DLG2: variants seen among roughly 807,000 people sequenced by gnomAD.
DLG2 encodes the protein discs large MAGUK scaffold protein 2, also known as disks large homolog 2.
In DLG2, 45 loss-of-function variants were observed where a neutral mutation model predicts 132.5. The observed-to-expected ratio is 0.34, with a 90% CI of 0.27 to 0.44. The LOEUF is 0.44. DLG2 is among the 20% of genes least tolerant of loss of function. The probability of loss-of-function intolerance (pLI) is 1.00; values close to 1 mark genes in which losing one functional copy is unlikely to be tolerated. For missense variants in DLG2, 1,045 were observed against 1,196.9 expected, an observed-to-expected ratio of 0.87 and a Z score of 1.87; for synonymous variants, 424 against 419.6, an observed-to-expected ratio of 1.01 and a Z score of -0.13.
chr11:84,080,853 G>A (rs1015180023), intron 10 of DLG2, among the ~76,000 whole-genome samples: 7 of 151,918 alleles, frequency 4.6e-5, no homozygotes, highest in African/African-American at 1.4e-4. Flanking sequence ...TTAGCTGGGC[G>A]TGGTGGCGGA....
intron 11 of DLG2, among the ~76,000 whole-genome samples, chr11:84,003,465 A>G (rs1328318070): frequency 1.3e-5 from 2 of 152,180 alleles, no homozygotes; most frequent in African/African-American, 2.4e-5. Context: ...AAGAAGTTTA[A>G]TTGACTCACA....
intron 6 of DLG2, among the ~76,000 whole-genome samples, chr11:85,079,087 A>G (rs1283127657): frequency 2.0e-5 from 3 of 152,078 alleles, no homozygotes; most frequent in Admixed American, 1.3e-4. Context: ...TGGAAAGGCA[A>G]GACAACTGGA....
At position 83,610,700 on chromosome 11, in the gene DLG2, TG is replaced by T. The variant is rs997473361; in HGVS notation, c.1940+22510del. Among the ~76,000 whole-genome samples the T allele has an allele frequency of 3.3e-3, 500 of 152,282 alleles. 4 individuals are homozygous for T. The highest frequency in any genetic ancestry group is 0.012 in the African/African-American group (484 of 41,546). ...TAATAATAATAATAATAATAAATAA[TG>T]ACTACCATTTATTGAGCATCTTTTA... On this transcript the variant is annotated intron_variant, in intron 19 of 27. Coordinates refer to ENST00000376104, the MANE Select transcript of DLG2 (RefSeq NM_001142699.3).
chr11:83,537,788 C>A (rs1017624205), intron 20 of DLG2, among the ~76,000 whole-genome samples: 1 of 105,234 alleles, frequency 9.5e-6, no homozygotes, highest in Non-Finnish European at 1.7e-5. Flanking sequence ...GCCTAGGCAA[C>A]GAAAGTGAGA....
intron 7 of DLG2, among the ~76,000 whole-genome samples, chr11:84,388,019 T>C (rs1472342071): frequency 6.6e-6 from 1 of 152,152 alleles, no homozygotes; most frequent in Admixed American, 6.5e-5. Flanking sequence ...ATGTGTTTCT[T>C]AGAGTTAATG....
intron 6 of DLG2, among the ~76,000 whole-genome samples, chr11:84,869,743 C>G (rs1173469127): frequency 2.0e-5 from 3 of 152,194 alleles, no homozygotes; most frequent in African/African-American, 7.2e-5. Flanking sequence ...TGTCTCTTCT[C>G]AACTCCTGAA....
At chr11:84,212,899 C>G (rs1472215432) in intron 8 of DLG2, among the ~76,000 whole-genome samples, 1 of 152,188 alleles carries the variant, frequency 6.6e-6, no homozygotes, top group Non-Finnish European at 1.5e-5. Flanking sequence ...ACTTCGTGAT[C>G]CGCCCACCTC....
At chr11:84,961,070 T>G (rs923818702) in intron 6 of DLG2, among the ~76,000 whole-genome samples, 1 of 151,864 alleles carries the variant, frequency 6.6e-6, no homozygotes, top group African/African-American at 2.4e-5. Flanking sequence ...AAATGGAACT[T>G]TGCACAACAG....
intron 4 of DLG2, among the ~76,000 whole-genome samples, chr11:85,237,743 C>G (rs1029299458): frequency 1.3e-5 from 2 of 152,008 alleles, no homozygotes; most frequent in African/African-American, 4.8e-5. Context: ...ACTGACAAAA[C>G]AGGCTCTTAA....
chr11:83,501,073 TCTCAC>T (rs2139090237), intron 21 of DLG2, among the ~76,000 whole-genome samples: 1 of 152,284 alleles, frequency 6.6e-6, no homozygotes, highest in Non-Finnish European at 1.5e-5. Context: ...TTACAGTTAT[TCTCAC>T]CAATTGGACA....
At chr11:83,526,064 C>A (rs1462994454) in intron 21 of DLG2, among the ~76,000 whole-genome samples, 1 of 152,160 alleles carries the variant, frequency 6.6e-6, no homozygotes, top group African/African-American at 2.4e-5. Flanking sequence ...TTTCTCAATG[C>A]CAGCTGCAGT....
At chr11:84,649,581 C>T (rs560849689) in intron 6 of DLG2, among the ~76,000 whole-genome samples, 1 of 152,148 alleles carries the variant, frequency 6.6e-6, no homozygotes, top group Non-Finnish European at 1.5e-5. Flanking sequence ...TGTTTTGTAA[C>T]ATGTTTTTAA....
intron 3 of DLG2, among the ~76,000 whole-genome samples, chr11:85,413,778 T>C (rs1010890198): frequency 2.0e-5 from 3 of 152,114 alleles, no homozygotes; most frequent in Non-Finnish European, 2.9e-5. Flanking sequence ...TTTATACCAG[T>C]GCCATGCTGT....
chr11:85,222,993 C>G (rs1484416406), intron 4 of DLG2, among the ~76,000 whole-genome samples: 2 of 152,158 alleles, frequency 1.3e-5, no homozygotes, highest in Non-Finnish European at 2.9e-5. Context: ...CTGGCACAGA[C>G]AAGCAACCAT....
intron 15 of DLG2, among the ~76,000 whole-genome samples, chr11:83,900,764 T>A (rs948280921): frequency 2.0e-5 from 3 of 151,968 alleles, no homozygotes; most frequent in African/African-American, 7.3e-5. Context: ...AAGTGTGGGG[T>A]AGGAGCTCCC....
At chr11:84,607,346 T>C (rs1271770317) in intron 6 of DLG2, among the ~76,000 whole-genome samples, 2 of 152,174 alleles carry the variant, frequency 1.3e-5, no homozygotes, top group South Asian at 2.1e-4. Context: ...TCCTTTCTTC[T>C]ACCCTGTAAA....
intron 16 of DLG2, among the ~76,000 whole-genome samples, chr11:83,869,925 T>C (rs1335317284): frequency 1.3e-5 from 2 of 152,224 alleles, no homozygotes; most frequent in East Asian, 3.9e-4. Context: ...TTCTCCTAGA[T>C]GAAAGAAAGC....
intron 2 of DLG2, among the ~76,000 whole-genome samples, chr11:85,605,461 CATATAA>C (rs1039813560): frequency 1.3e-5 from 2 of 152,086 alleles, no homozygotes; most frequent in Admixed American, 6.5e-5. Context: ...GTATTTGTAA[CATATAA>C]ATAAAAATGG....
At chr11:85,489,120 T>G (rs577901432) in intron 3 of DLG2, among the ~76,000 whole-genome samples, 1 of 152,090 alleles carries the variant, frequency 6.6e-6, no homozygotes, top group Non-Finnish European at 1.5e-5. Context: ...ACTTAAGAGA[T>G]ACAGATTGGA....
Sources: gnomAD v4.1 joint callset for allele counts (sites outside exome capture counted in the v4.1 genomes callset) on GRCh38, gnomAD v4.1.1 for gene constraint, MANE v1.5 for transcripts, NCBI Gene and HGNC (gene_info 2026-07-23, HGNC 2026-07-21) for gene names.